The following TMEM64 variants were observed in gnomAD, a reference collection of about 807,000 sequenced individuals.
The protein encoded by TMEM64 is transmembrane protein 64.
A neutral mutation model predicts 24.5 loss-of-function variants in TMEM64; 19 were observed. That is an observed-to-expected ratio of 0.78 (90% CI 0.54 to 1.14). The LOEUF (loss-of-function observed/expected upper bound fraction) is 1.14, where lower values mean the gene tolerates loss of function less well. Among genes scored for constraint, TMEM64 ranks in the 50% most tolerant of loss-of-function variants. The pLI is 0.00. For synonymous variants in TMEM64, 262 were observed against 224.7 expected (o/e 1.17, Z -1.49); for missense variants, 487 against 493.0 (o/e 0.99, Z 0.12).
Position 90,641,034 on chromosome 8 carries a change from A to G in TMEM64, c.795+4077T>C, listed in dbSNP as rs377029084. Among the ~76,000 whole-genome samples, 10 of 152,320 alleles carry G rather than the reference A, an allele frequency of 6.6e-5. No individual in the cohort carries two copies. The South Asian group carries it at 1.2e-3, about 19-fold the overall frequency. ...ACACAGTACCCATTTATTGCTTTAA[A>G]AATTTTTTTTCTGTTAAATAAAAAT... On this transcript the variant is annotated intron_variant, in intron 1 of 2. Transcript: ENST00000458549.
rs977076323 is a variant in TMEM64 at position 90,622,280 on chromosome 8, G to A, written c.*3391C>T. ...CCTTCTAATGGCTTTTCAGATTAAA[G>A]CAATGACTTTAAAAAGATTACATCC... is the stretch of plus-strand genomic sequence containing the variant. On this transcript the variant is annotated 3_prime_UTR_variant, in exon 3 of 3. Transcript: ENST00000458549. The A allele has an allele frequency of 9.9e-5, 15 of 152,254 alleles. No individual in the cohort carries two copies. The highest frequency in any genetic ancestry group is 3.6e-4 in the African/African-American group (15 of 41,560). The allele number at this position is 152,254 out of a possible 1,614,324, so 9.4% of individuals were successfully genotyped here. A position where few individuals can be genotyped will look rare whatever the true frequency, so the allele number is the denominator to read the frequency against.
At chr8:90,638,110 CT>C (rs932906480) in intron 1 of TMEM64, among the ~76,000 whole-genome samples, 96 of 141,780 alleles carry the variant, frequency 6.8e-4, no homozygotes, top group African/African-American at 2.6e-3. Flanking sequence ...CACTCACTAC[CT>C]ATGGTAACCC....
chr8:90,632,353 T>C (rs28669236), intron 1 of TMEM64, among the ~76,000 whole-genome samples: 7,424 of 152,138 alleles, frequency 0.049, 546 homozygotes, highest in African/African-American at 0.17. Context: ...GACAGAGTCT[T>C]GCTCTGTCGC....
chr8:90,646,046 C>T lies in TMEM64; in HGVS notation c.-141G>A. On this transcript the variant is annotated 5_prime_UTR_variant, in exon 1 of 3. Transcript: ENST00000458549. ...GGGTGGGAGACGGCCCGTAGAAGGG[C>T]GCGGAGTCAGCGGAGGAGCGACGGC... is the stretch of plus-strand genomic sequence containing the variant. 1 of 308,574 alleles carries T rather than the reference C, an allele frequency of 3.2e-6. No individual in the cohort carries two copies. Among genetic ancestry groups the T allele is most frequent in the Non-Finnish European group, 5.0e-6 (1 of 199,052 alleles). 19.1% of individuals were successfully genotyped at this position (308,574 alleles called of 1,614,324 possible). A position where few individuals can be genotyped will look rare whatever the true frequency, so the allele number is the denominator to read the frequency against.
chr8:90,625,885 A>G, intron 2 of TMEM64, 23 bp from the exon 3 acceptor site: 2 of 1,495,488 alleles, frequency 1.3e-6, no homozygotes, highest in Non-Finnish European at 1.8e-6. Flanking sequence ...ATAAAACATT[A>G]CAGTTATCAA....
At chr8:90,637,476 T>C (rs934897598) in intron 1 of TMEM64, among the ~76,000 whole-genome samples, 6 of 152,254 alleles carry the variant, frequency 3.9e-5, no homozygotes, top group Non-Finnish European at 8.8e-5. Flanking sequence ...AATCTAGCAT[T>C]AATTTTGGCA....
At position 90,645,963 on chromosome 8, in the gene TMEM64, G is replaced by C. The variant is rs1351222901; in HGVS notation, c.-58C>G. ...GCCCCTCCGCCGCGGCGCCCGTTAGGCAGCTGCCCTTCATGGCGCCCGGTT... is the reference window on the plus strand; with the variant it reads ...GCCCCTCCGCCGCGGCGCCCGTTAGCCAGCTGCCCTTCATGGCGCCCGGTT... On this transcript the variant is annotated 5_prime_UTR_variant, in exon 1 of 3. Transcript: ENST00000458549. This position sits in a 1 kb window ranked among gnomAD's most constrained non-coding sequence, Gnocchi z 4.2. 2 of 987,522 alleles carry C rather than the reference G, an allele frequency of 2.0e-6. No individual in the cohort carries two copies. Among genetic ancestry groups the C allele is most frequent in the Admixed American group, 1.1e-4 (2 of 18,978 alleles). 61.2% of individuals were successfully genotyped at this position (987,522 alleles called of 1,614,324 possible).
chr8:90,645,261 C>G lies in TMEM64; in HGVS notation c.645G>C (p.Arg215=), dbSNP rs563701639. Residue 215 remains arginine (R), a synonymous_variant, in exon 1 of 3, where the codon CGG becomes CGC. Transcript: ENST00000458549. This position sits in a 1 kb window ranked among gnomAD's most constrained non-coding sequence, Gnocchi z 4.2. ...TGGCGGCCACCCAGGCGGTGAGGAGCCGCTTGCAGACCACATGGGCGATGA... is the reference window on the plus strand; with the variant it reads ...TGGCGGCCACCCAGGCGGTGAGGAGGCGCTTGCAGACCACATGGGCGATGA... ...GTFIAHVVCK[R]LLTAWVAARI... 1 of 1,611,618 alleles carries G rather than the reference C, an allele frequency of 6.2e-7. No individual in the cohort carries two copies. The highest frequency in any genetic ancestry group is 1.1e-5 in the South Asian group (1 of 90,788).
chr8:90,641,752 G>A (rs2130510426), intron 1 of TMEM64, among the ~76,000 whole-genome samples: 1 of 152,300 alleles, frequency 6.6e-6, no homozygotes, highest in South Asian at 2.1e-4. Context: ...ATTAAACAGT[G>A]CCCAGGAATT....
chr8:90,645,030 G>A lies in TMEM64; in HGVS notation c.795+81C>T, dbSNP rs1809667371. On this transcript the variant is annotated intron_variant, in intron 1 of 2. Coordinates refer to ENST00000458549, the MANE Select transcript of TMEM64 (RefSeq NM_001008495.4). The surrounding 1 kb of genome is among the most constrained non-coding windows in gnomAD (Gnocchi z 4.2). ...GTCACTTCTCTGCTGGTATTTATCT[G>A]ATAGAGCGCCCTCCTAGGGCCGCCA... is the stretch of plus-strand genomic sequence containing the variant. The A allele has an allele frequency of 5.6e-6, 8 of 1,425,322 alleles. No individual in the cohort carries two copies. The African/African-American group carries it at 8.5e-5, about 15-fold the overall frequency. 88.3% of individuals were successfully genotyped at this position (1,425,322 alleles called of 1,614,324 possible). A position where few individuals can be genotyped will look rare whatever the true frequency, so the allele number is the denominator to read the frequency against.
rs1458100884 is a variant in TMEM64, at chr8:90,630,049, A to C, written c.951+1503T>G. ...AGTTAAGTTAAAACTAACAAGTTAA[A>C]AGACCAGTAAGTCTGGAGGACCATT... is the stretch of plus-strand genomic sequence containing the variant. On this transcript the variant is annotated intron_variant, in intron 2 of 2. Transcript: ENST00000458549. Among the ~76,000 whole-genome samples, 24 of 152,336 alleles carry C rather than the reference A, an allele frequency of 1.6e-4. No individual in the cohort carries two copies. In the East Asian group the frequency reaches 4.6e-3, roughly 29 times the overall value.
chr8:90,642,762 T>C (rs1398105779), intron 1 of TMEM64, among the ~76,000 whole-genome samples: 1 of 151,108 alleles, frequency 6.6e-6, no homozygotes. Context: ...TATGGCTGAG[T>C]CAAAATTTTA....
rs1222467474 is a variant in TMEM64, at chr8:90,622,678, C to T, written c.*2993G>A. The T allele has an allele frequency of 3.3e-5, 5 of 152,160 alleles. No individual in the cohort carries two copies. The highest frequency in any genetic ancestry group is 7.3e-5 in the Non-Finnish European group (5 of 68,032). The allele number at this position is 152,160 out of a possible 1,614,324, so 9.4% of individuals were successfully genotyped here. A position where few individuals can be genotyped will look rare whatever the true frequency, so the allele number is the denominator to read the frequency against. On this transcript the variant is annotated 3_prime_UTR_variant, in exon 3 of 3. Transcript: ENST00000458549. ...TGCTGGGGATATGCTTATACCTGCACCACTTAGTTACAACAAGGGGAAATA... is the reference window on the plus strand; with the variant it reads ...TGCTGGGGATATGCTTATACCTGCATCACTTAGTTACAACAAGGGGAAATA...
chr8:90,637,946 A>G (rs891239924), intron 1 of TMEM64, among the ~76,000 whole-genome samples: 1 of 152,022 alleles, frequency 6.6e-6, no homozygotes, highest in Non-Finnish European at 1.5e-5. Flanking sequence ...CTAGCTGGAG[A>G]CCTCATCAGT....
At chr8:90,628,446 C>T (rs1354451686) in intron 2 of TMEM64, among the ~76,000 whole-genome samples, 1 of 152,118 alleles carries the variant, frequency 6.6e-6, no homozygotes, top group African/African-American at 2.4e-5. Context: ...AAATAATTAA[C>T]TATTTCAAGA....
chr8:90,644,111 T>G (rs972063383), intron 1 of TMEM64, among the ~76,000 whole-genome samples: 5 of 145,562 alleles, frequency 3.4e-5, no homozygotes, highest in Non-Finnish European at 7.4e-5. Context: ...AATTATCTCT[T>G]TATTTCAGTA....
intron 1 of TMEM64, among the ~76,000 whole-genome samples, chr8:90,642,688 T>G (rs1435206677): frequency 2.0e-5 from 3 of 152,160 alleles, no homozygotes; most frequent in African/African-American, 7.2e-5. Flanking sequence ...AGCAGGCAGT[T>G]CAGAACAATA....
intron 1 of TMEM64, among the ~76,000 whole-genome samples, chr8:90,635,398 A>T (rs1346029661): frequency 2.0e-5 from 3 of 150,966 alleles, no homozygotes; most frequent in African/African-American, 7.4e-5. Flanking sequence ...ATTTTATTTT[A>T]TTTTATTTTT....
Position 90,645,722 on chromosome 8 carries a change from A to C in TMEM64, c.184T>G (p.Ser62Ala), listed in dbSNP as rs1809689082. 1 of 1,184,348 alleles carries C rather than the reference A, an allele frequency of 8.4e-7. No homozygotes were observed. The allele number at this position is 1,184,348 out of a possible 1,614,324, so 73.4% of individuals were successfully genotyped here. A position where few individuals can be genotyped will look rare whatever the true frequency, so the allele number is the denominator to read the frequency against. ...AGATAGGCGCCGAGCAGGGCGCCCGAGGCCGCCGCTGCTGCCGCCGCCGCG... is the reference window on the plus strand; with the variant it reads ...AGATAGGCGCCGAGCAGGGCGCCCGCGGCCGCCGCTGCTGCCGCCGCCGCG... ...ASAAAAAAAA[S>A]GALLGAYLER... The change falls in exon 1 of 3, where the codon TCG becomes GCG. Residue 62 changes from serine to alanine, a missense_variant. Ser to Ala is a moderately conservative substitution (Grantham distance 99, BLOSUM62 1). Transcript: ENST00000458549. The surrounding 1 kb of genome is among the most constrained non-coding windows in gnomAD (Gnocchi z 4.2).
Sources: gnomAD v4.1 joint callset for allele counts (sites outside exome capture counted in the v4.1 genomes callset) on GRCh38, gnomAD v4.1.1 for gene constraint, Gnocchi (gnomAD v3.1) non-coding constraint, MANE v1.5 for transcripts, NCBI Gene and HGNC (gene_info 2026-07-23, HGNC 2026-07-21) for gene names.